The following PATJ variants were observed in gnomAD, a reference collection of about 807,000 sequenced individuals.
PATJ encodes PATJ crumbs cell polarity complex component, also known as inaD-like protein.
In PATJ, 190 loss-of-function variants were observed where a neutral mutation model predicts 224.9. That is an observed-to-expected ratio of 0.84 (90% confidence interval 0.75 to 0.95). The LOEUF is 0.95. Among genes scored for constraint, PATJ ranks in the 40% least tolerant of loss-of-function variants. The pLI is 0.00. For synonymous variants in PATJ, 769 were observed against 820.3 expected, an observed-to-expected ratio of 0.94 and a Z score of 1.07; for missense variants, 2,121 against 2,270.3, an observed-to-expected ratio of 0.93 and a Z score of 1.34.
chr1:61,884,156 A>T, intron 21 of PATJ, 81 bp from the exon 22 acceptor site: 2 of 971,302 alleles, frequency 2.1e-6, no homozygotes, highest in Non-Finnish European at 3.0e-6. Flanking sequence ...CTCCCATAGT[A>T]GGTGCCCATA....
intron 42 of PATJ, among the ~76,000 whole-genome samples, chr1:62,150,765 C>T (rs145541476): frequency 6.6e-6 from 1 of 151,918 alleles, no homozygotes; most frequent in East Asian, 1.9e-4. Context: ...CCTGTAATCC[C>T]AGCACTTTGA....
intron 17 of PATJ, among the ~76,000 whole-genome samples, chr1:61,837,332 T>G (rs1660336144): frequency 6.6e-6 from 1 of 152,226 alleles, no homozygotes; most frequent in Admixed American, 6.5e-5. Flanking sequence ...ACTCTCTAGT[T>G]AGATTACAAA....
chr1:62,055,682 TC>T (rs1315978209), intron 31 of PATJ, among the ~76,000 whole-genome samples: 1 of 152,198 alleles, frequency 6.6e-6, no homozygotes, highest in Non-Finnish European at 1.5e-5. Flanking sequence ...GAACAACTAT[TC>T]CAAGTGAAGC....
intron 35 of PATJ, among the ~76,000 whole-genome samples, chr1:62,115,824 A>G (rs1043826299): frequency 2.0e-5 from 3 of 151,850 alleles, no homozygotes; most frequent in Admixed American, 6.6e-5. Flanking sequence ...TATTAGCTAC[A>G]ATTTTTGAGT....
chr1:61,854,276 AG>A (rs1663291741), intron 17 of PATJ, among the ~76,000 whole-genome samples: 1 of 152,240 alleles, frequency 6.6e-6, no homozygotes, highest in African/African-American at 2.4e-5. Context: ...GTAGAATCTC[AG>A]GTTACAATAT....
At position 62,136,552 on chromosome 1, in the gene PATJ, CCTTAA is replaced by C. The variant is rs1201182678; in HGVS notation, c.5271+7611_5271+7615del. ...AAGATGCCAGCTTTCTCAGGGATCA[CCTTAA>C]CTTTACAGCCTTCCTGTTTGTTTTC... On this transcript the variant is annotated intron_variant, in intron 41 of 43. Transcript: ENST00000642238. Among the ~76,000 whole-genome samples, 5 of 148,694 alleles carry C rather than the reference CCTTAA, an allele frequency of 3.4e-5. No individual in the cohort carries two copies. The South Asian group carries it at 8.5e-4, about 25-fold the overall frequency.
chr1:62,062,363 A>G (rs1423710347), intron 31 of PATJ, among the ~76,000 whole-genome samples: 2 of 32,302 alleles, frequency 6.2e-5, no homozygotes, highest in Non-Finnish European at 1.3e-4. Flanking sequence ...ATTTTTTCAT[A>G]TGTTGGTTGG....
rs547489402 is a variant in PATJ at position 61,833,653 on chromosome 1, G to T, written c.1981-1G>T. On this transcript the variant is annotated splice_acceptor_variant, in intron 16 of 43. Transcript: ENST00000642238. LOFTEE classifies it high-confidence loss of function. ...AGCATTTATCTTCTTTGGTATTTCA[G>T]GTTGACCACAATATGGATGTCAATA... 1.1e-5 allele frequency: 17 copies of T among 1,605,058 alleles called. No individual in the cohort carries two copies. Among genetic ancestry groups the T allele is most frequent in the Non-Finnish European group, 1.4e-5 (16 of 1,176,502 alleles).
intron 33 of PATJ, among the ~76,000 whole-genome samples, chr1:62,107,332 C>T (rs1483952121): frequency 1.3e-5 from 2 of 151,708 alleles, no homozygotes; most frequent in Non-Finnish European, 2.9e-5. Context: ...GAAGCTGTGT[C>T]CCTCTCTCAG....
At chr1:62,104,402 A>G (rs1016185259) in intron 33 of PATJ, among the ~76,000 whole-genome samples, 1 of 152,132 alleles carries the variant, frequency 6.6e-6, no homozygotes, top group Non-Finnish European at 1.5e-5. Flanking sequence ...TAAAACATAA[A>G]TCAGGTTTTC....
intron 27 of PATJ, among the ~76,000 whole-genome samples, chr1:61,981,104 T>C (rs967178835): frequency 1.3e-5 from 2 of 152,050 alleles, no homozygotes; most frequent in Non-Finnish European, 2.9e-5. Flanking sequence ...TCCCGAAGCC[T>C]GACTGTGGAG....
chr1:61,887,914 T>G (rs1036162034), intron 22 of PATJ, among the ~76,000 whole-genome samples: 2 of 152,220 alleles, frequency 1.3e-5, no homozygotes, highest in Non-Finnish European at 2.9e-5. Context: ...AGTGTGATTT[T>G]TGTGTTGACA....
intron 42 of PATJ, among the ~76,000 whole-genome samples, 163 bp downstream of exon 42, chr1:62,148,553 A>T (rs764022216): frequency 9.9e-5 from 15 of 152,196 alleles, no homozygotes; most frequent in Non-Finnish European, 1.8e-4. Context: ...ATTCCACCAC[A>T]TGAGTTCTTG....
intron 41 of PATJ, among the ~76,000 whole-genome samples, chr1:62,145,488 A>C (rs1485731840): frequency 3.9e-5 from 6 of 151,924 alleles, no homozygotes; most frequent in Admixed American, 3.9e-4. Flanking sequence ...ACAGTGAGAC[A>C]CTGTCGCTAC....
At chr1:62,071,467 A>G (rs1370895266) in intron 31 of PATJ, among the ~76,000 whole-genome samples, 1 of 151,286 alleles carries the variant, frequency 6.6e-6, no homozygotes, top group East Asian at 1.9e-4. Flanking sequence ...GAGGGCAAAT[A>G]ACCTGTTCAG....
At chr1:62,148,637 T>C (rs986282245) in intron 42 of PATJ, among the ~76,000 whole-genome samples, 11 of 152,230 alleles carry the variant, frequency 7.2e-5, no homozygotes, top group Non-Finnish European at 1.3e-4. Flanking sequence ...CCTGCTTCCC[T>C]AAGAAACCAC....
At chr1:62,095,405 G>A (rs552008499) in intron 33 of PATJ, among the ~76,000 whole-genome samples, 2 of 152,266 alleles carry the variant, frequency 1.3e-5, no homozygotes, top group South Asian at 2.1e-4. Context: ...TCCAAAGGTG[G>A]AGAAGATAAG....
Position 61,805,469 on chromosome 1 carries a change from A to C in PATJ, c.1571A>C (p.Glu524Ala), listed in dbSNP as rs767555987. 1 of 1,607,814 alleles carries C rather than the reference A, an allele frequency of 6.2e-7. No individual in the cohort carries two copies. The highest frequency in any genetic ancestry group is 1.3e-5 in the African/African-American group (1 of 74,782). The change falls in exon 13 of 44, where the codon GAA (glutamate) becomes GCA (alanine). Residue 524 changes from glutamate (E) to alanine (A), a missense_variant. By Grantham distance (107) the Glu-to-Ala change is moderately radical (BLOSUM62 -1). Transcript: ENST00000642238. ...EKLEKVPDSPENELKSRWENL... is the reference protein window; with the variant it reads ...EKLEKVPDSPANELKSRWENL... ...CCAGAAAAAGTCCCAGACTCTCCAG[A>C]AAATGAGCTGAAATCCAGATGGGAA...
chr1:61,989,781 T>C (rs981610838), intron 27 of PATJ, among the ~76,000 whole-genome samples: 1 of 152,194 alleles, frequency 6.6e-6, no homozygotes, highest in Non-Finnish European at 1.5e-5. Context: ...GAAGGTCTTA[T>C]GGGTGAGTTA....
Sources: gnomAD v4.1 joint callset for allele counts (sites outside exome capture counted in the v4.1 genomes callset) on GRCh38, gnomAD v4.1.1 for gene constraint, MANE v1.5 for transcripts, NCBI Gene and HGNC (gene_info 2026-07-23, HGNC 2026-07-21) for gene names.